FBRSL1: variants seen among roughly 807,000 people sequenced by gnomAD.
FBRSL1 encodes fibrosin-1-like protein.
A neutral mutation model predicts 89.6 loss-of-function variants in FBRSL1; 51 were observed. The ratio of observed to expected loss-of-function variants is 0.57; its 90% CI spans 0.45 to 0.72. FBRSL1 has a LOEUF of 0.72. Among genes scored for constraint, FBRSL1 ranks in the 30% least tolerant of loss-of-function variants. FBRSL1 has a pLI of 0.00. For missense variants in FBRSL1, 1,618 were observed against 1,451.8 expected (o/e 1.11, Z -1.86); for synonymous variants, 779 against 681.1 (o/e 1.14, Z -2.24).
intron 2 of FBRSL1, chr12:132,512,035 T>C (rs951473148): frequency 1.2e-5 from 12 of 984,680 alleles, no homozygotes; most frequent in Non-Finnish European, 1.3e-5. Context: ...TGGGCTTGGC[T>C]CGGGATTCAT....
Position 132,545,250 on chromosome 12 carries a change from C to T in FBRSL1, c.616-2753C>T, listed in dbSNP as rs116001852. 7.2e-3 allele frequency among the ~76,000 whole-genome samples: 1,091 copies of T among 152,324 alleles called. 15 individuals carry two copies. The highest frequency in any genetic ancestry group is 0.023 in the African/African-American group (969 of 41,568). On this transcript the variant is annotated intron_variant, in intron 4 of 18. Coordinates refer to ENST00000680143, the MANE Select transcript of FBRSL1 (RefSeq NM_001367871.1). Reference sequence around the variant, plus strand: ...CTATCACAAACCCACACCAGGGTGACGTTCCCTGAGCCCCCGAGCCCAGCC... The same window carrying T: ...CTATCACAAACCCACACCAGGGTGATGTTCCCTGAGCCCCCGAGCCCAGCC...
At chr12:132,536,813 A>G (rs932332287) in intron 4 of FBRSL1, among the ~76,000 whole-genome samples, 1 of 152,160 alleles carries the variant, frequency 6.6e-6, no homozygotes, top group Non-Finnish European at 1.5e-5. Context: ...TTATGTGTAC[A>G]TGCGTACGTA....
intron 4 of FBRSL1, among the ~76,000 whole-genome samples, chr12:132,535,401 T>G (rs915652209): frequency 2.6e-5 from 4 of 152,154 alleles, no homozygotes; most frequent in African/African-American, 9.7e-5. Flanking sequence ...CCATCCGCTG[T>G]GGGGACGTAG....
intron 5 of FBRSL1, among the ~76,000 whole-genome samples, chr12:132,566,623 T>G (rs935955921): frequency 6.8e-6 from 1 of 147,878 alleles, no homozygotes; most frequent in Non-Finnish European, 1.5e-5. Flanking sequence ...GCTGAGCAAT[T>G]TCTGCGATTG....
chr12:132,560,422 C>T (rs2039016837), intron 5 of FBRSL1, among the ~76,000 whole-genome samples: 1 of 152,030 alleles, frequency 6.6e-6, no homozygotes, highest in South Asian at 2.1e-4. Flanking sequence ...GGCGGGGGTG[C>T]GGCGCGGCCG....
intron 5 of FBRSL1, chr12:132,560,032 A>G (rs928766915): frequency 1.3e-4 from 19 of 149,848 alleles, no homozygotes; most frequent in Admixed American, 1.1e-3. Context: ...CCCAGAGCGC[A>G]CCGAGCGCCG....
intron 4 of FBRSL1, among the ~76,000 whole-genome samples, chr12:132,538,056 C>T (rs949700689): frequency 6.6e-6 from 1 of 152,162 alleles, no homozygotes; most frequent in Non-Finnish European, 1.5e-5. Flanking sequence ...GGAACGGGCT[C>T]ACCCAGATCC....
At chr12:132,573,405 C>A (rs1462816591) in intron 11 of FBRSL1, among the ~76,000 whole-genome samples, 1 of 152,204 alleles carries the variant, frequency 6.6e-6, no homozygotes, top group Non-Finnish European at 1.5e-5. Context: ...CACCCCTGGG[C>A]ACTAGAGGGT....
intron 4 of FBRSL1, among the ~76,000 whole-genome samples, chr12:132,535,953 G>A (rs1422799147): frequency 6.6e-6 from 1 of 151,494 alleles, no homozygotes; most frequent in East Asian, 1.9e-4. Context: ...CCATGATGGT[G>A]TGTGAGCACA....
chr12:132,551,946 T>C (rs1566187808), intron 5 of FBRSL1: 2 of 289,016 alleles, frequency 6.9e-6, no homozygotes, highest in Non-Finnish European at 1.4e-5. Flanking sequence ...GGGATGGCTG[T>C]CTGGCCCGTC....
intron 5 of FBRSL1, among the ~76,000 whole-genome samples, chr12:132,557,575 G>A (rs2038782080): frequency 6.6e-6 from 1 of 152,224 alleles, no homozygotes; most frequent in African/African-American, 2.4e-5. Context: ...TGCTGAAGGC[G>A]GCCTCAGGAC....
intron 5 of FBRSL1, among the ~76,000 whole-genome samples, chr12:132,564,918 G>T (rs956622794): frequency 2.4e-4 from 34 of 141,750 alleles, no homozygotes; most frequent in African/African-American, 9.8e-4. Flanking sequence ...CGTGAGCCGC[G>T]GCCGGCCGCC....
At chr12:132,550,059 C>G (rs926969090) in intron 5 of FBRSL1, among the ~76,000 whole-genome samples, 1 of 152,140 alleles carries the variant, frequency 6.6e-6, no homozygotes, top group African/African-American at 2.4e-5. Flanking sequence ...TTTGGCATTC[C>G]TGCACACGGA....
intron 2 of FBRSL1, among the ~76,000 whole-genome samples, chr12:132,522,552 C>T (rs779909794): frequency 2.0e-4 from 31 of 152,178 alleles, no homozygotes; most frequent in Non-Finnish European, 3.4e-4. Context: ...AATTTGAAGC[C>T]GGCTGTTAAA....
chr12:132,493,003 C>T (rs755195096), intron 1 of FBRSL1, among the ~76,000 whole-genome samples: 1 of 152,238 alleles, frequency 6.6e-6, no homozygotes, highest in Non-Finnish European at 1.5e-5. Flanking sequence ...TTCTGAGCTG[C>T]CTTTCACAGA....
At chr12:132,510,745 T>C in intron 2 of FBRSL1, 1 of 1,195,418 alleles carries the variant, frequency 8.4e-7, no homozygotes, top group Non-Finnish European at 1.0e-6. Flanking sequence ...GGCGTCACAG[T>C]GCCCCCACCC....
At chr12:132,570,749 G>A (rs539213949) in intron 8 of FBRSL1, among the ~76,000 whole-genome samples, 24 of 152,314 alleles carry the variant, frequency 1.6e-4, no homozygotes, top group African/African-American at 4.8e-4. Context: ...GGCAGGACAC[G>A]TGCCCATGCA....
chr12:132,510,942 G>C (rs1172810752), intron 2 of FBRSL1: 62 of 994,140 alleles, frequency 6.2e-5, no homozygotes, highest in Non-Finnish European at 7.2e-5. Context: ...CCTGGTGTGT[G>C]CGTGCTGTGT....
At position 132,583,294 on chromosome 12, in the gene FBRSL1, G is replaced by A; in HGVS notation, c.2525G>A (p.Arg842His). 1 of 1,134,938 alleles carries A rather than the reference G, an allele frequency of 8.8e-7. No homozygotes were observed. The allele number at this position is 1,134,938 out of a possible 1,614,324, so 70.3% of individuals were successfully genotyped here. The change falls in exon 19 of 19, where the codon CGC becomes CAC. Residue 842 changes from arginine (R) to histidine (H), a missense_variant. Arg to His is a conservative substitution (Grantham distance 29, BLOSUM62 0). Coordinates refer to ENST00000680143, the MANE Select transcript of FBRSL1 (RefSeq NM_001367871.1). Reference sequence around the variant, plus strand: ...GCGCCCCTGCAGCTCGGCCTGGGCCGCGAGCGCCTGGGCGCGCCGGGCTTC... The same window carrying A: ...GCGCCCCTGCAGCTCGGCCTGGGCCACGAGCGCCTGGGCGCGCCGGGCTTC... ...HPAPLQLGLGRERLGAPGFAW... is the reference protein window; with the variant it reads ...HPAPLQLGLGHERLGAPGFAW...
Sources: allele counts gnomAD v4.1 joint callset (sites outside exome capture counted in the v4.1 genomes callset), GRCh38; gene constraint gnomAD v4.1.1; transcripts MANE v1.5; gene names NCBI Gene and HGNC (gene_info 2026-07-23, HGNC 2026-07-21).